SLC24A2: variants seen among roughly 807,000 people sequenced by gnomAD.
The protein encoded by SLC24A2 is sodium/potassium/calcium exchanger 2.
Under a neutral mutation model 62.0 loss-of-function variants are expected in SLC24A2, and 36 were observed. The observed-to-expected ratio is 0.58, with a 90% confidence interval of 0.44 to 0.77. SLC24A2 has a LOEUF of 0.77. SLC24A2 is among the 30% of genes least tolerant of loss of function. The pLI is 0.00. For synonymous variants in SLC24A2, 358 were observed against 294.0 expected (o/e 1.22, Z -2.23); for missense variants, 846 against 817.9 (o/e 1.03, Z -0.42).
chr9:19,697,271 T>C (rs955279328), intron 2 of SLC24A2, among the ~76,000 whole-genome samples: 1 of 152,138 alleles, frequency 6.6e-6, no homozygotes, highest in African/African-American at 2.4e-5. Context: ...CAACACACAC[T>C]GGGGCCTGCC....
chr9:19,730,750 T>G (rs1821310448), intron 2 of SLC24A2, among the ~76,000 whole-genome samples: 1 of 152,190 alleles, frequency 6.6e-6, no homozygotes, highest in South Asian at 2.1e-4. Flanking sequence ...ATTAAAAATT[T>G]AAACATGCTT....
chr9:20,130,769 A>T, the SLC24A2 span, among the ~76,000 whole-genome samples: 1 of 152,188 alleles, frequency 6.6e-6, no homozygotes, highest in Non-Finnish European at 1.5e-5. Context: ...GCAGGAGACC[A>T]GTTAGAAGAC....
At chr9:19,987,374 C>T in the SLC24A2 span, among the ~76,000 whole-genome samples, 12 of 152,152 alleles carry the variant, frequency 7.9e-5, no homozygotes, top group Non-Finnish European at 1.3e-4. Flanking sequence ...TCACTAAATT[C>T]CTACCTTCCT....
the SLC24A2 span, among the ~76,000 whole-genome samples, chr9:20,054,620 A>G: frequency 6.6e-6 from 1 of 152,122 alleles, no homozygotes; most frequent in Non-Finnish European, 1.5e-5. Flanking sequence ...AGTCCATTAT[A>G]TAATTCTTAT....
chr9:19,713,929 A>G (rs776256874), intron 2 of SLC24A2, among the ~76,000 whole-genome samples: 4 of 152,226 alleles, frequency 2.6e-5, no homozygotes, highest in Non-Finnish European at 4.4e-5. Context: ...TTTGGAGACT[A>G]AGGGAAGAAA....
the SLC24A2 span, among the ~76,000 whole-genome samples, chr9:20,077,944 A>G: frequency 6.6e-6 from 1 of 152,262 alleles, no homozygotes; most frequent in South Asian, 2.1e-4. Flanking sequence ...TTAGAACTAT[A>G]TTAGAACTAG....
At chr9:19,650,797 AC>A (rs779844847) in intron 2 of SLC24A2, among the ~76,000 whole-genome samples, 7 of 150,296 alleles carry the variant, frequency 4.7e-5, no homozygotes, top group Non-Finnish European at 8.8e-5. Context: ...AAATTAATTC[AC>A]AGGCATTGTA....
chr9:19,976,719 T>C, the SLC24A2 span, among the ~76,000 whole-genome samples: 1 of 152,186 alleles, frequency 6.6e-6, no homozygotes, highest in Non-Finnish European at 1.5e-5. Flanking sequence ...GTATAAGAAA[T>C]TTGAGTGTCC....
At chr9:19,941,590 T>TGTGTGA in the SLC24A2 span, among the ~76,000 whole-genome samples, 23,765 of 127,548 alleles carry the variant, frequency 0.19, 2,416 homozygotes, top group South Asian at 0.3. Flanking sequence ...TGTGTGTGTG[T>TGTGTGA]GAGAGAGAGA....
upstream of SLC24A2, among the ~76,000 whole-genome samples, chr9:19,791,730 T>C (rs1403258950): frequency 2.0e-5 from 3 of 152,212 alleles, no homozygotes; most frequent in Non-Finnish European, 4.4e-5. Context: ...AAAGAAAGGG[T>C]AGCTTCAGGA....
At chr9:20,198,680 TC>T in the SLC24A2 span, among the ~76,000 whole-genome samples, 6 of 151,900 alleles carry the variant, frequency 3.9e-5, no homozygotes, top group Non-Finnish European at 5.9e-5. Flanking sequence ...ACTCTCTCTC[TC>T]TCTCCACCCC....
chr9:20,228,941 C>G, the SLC24A2 span, among the ~76,000 whole-genome samples: 1 of 151,970 alleles, frequency 6.6e-6, no homozygotes, highest in Non-Finnish European at 1.5e-5. Context: ...TAAAGGCCAC[C>G]AAGAAGGGTC....
At chr9:20,152,226 A>C in the SLC24A2 span, among the ~76,000 whole-genome samples, 1 of 151,952 alleles carries the variant, frequency 6.6e-6, no homozygotes, top group Non-Finnish European at 1.5e-5. Context: ...ATTTATATTT[A>C]TAAGAAGGTC....
chr9:19,601,922 G>A (rs984063396), intron 4 of SLC24A2, among the ~76,000 whole-genome samples: 1 of 152,148 alleles, frequency 6.6e-6, no homozygotes, highest in Non-Finnish European at 1.5e-5. Flanking sequence ...ATATATGGTA[G>A]GTATTATTAT....
At chr9:20,234,095 A>C in the SLC24A2 span, among the ~76,000 whole-genome samples, 1 of 152,204 alleles carries the variant, frequency 6.6e-6, no homozygotes, top group Non-Finnish European at 1.5e-5. Flanking sequence ...CCAAGAGATC[A>C]GCTGTTAGTC....
intron 4 of SLC24A2, among the ~76,000 whole-genome samples, chr9:19,601,009 C>T (rs753804391): frequency 3.2e-4 from 48 of 152,134 alleles, no homozygotes; most frequent in Non-Finnish European, 6.2e-4. Context: ...ACTTGGAGAA[C>T]TTTTCTGTCT....
chr9:19,909,348 C>G, the SLC24A2 span, among the ~76,000 whole-genome samples: 3 of 150,278 alleles, frequency 2.0e-5, no homozygotes, highest in South Asian at 4.3e-4. Context: ...ACGGGGAGGG[C>G]GGAGGGATAG....
chr9:19,740,401 A>G (rs1461428868), intron 2 of SLC24A2, among the ~76,000 whole-genome samples: 1 of 152,354 alleles, frequency 6.6e-6, no homozygotes, highest in East Asian at 1.9e-4. Flanking sequence ...GAGCAATAAA[A>G]ATAAAACTAT....
chr9:19,552,243 G>T (rs1469194136), intron 7 of SLC24A2, among the ~76,000 whole-genome samples: 1 of 152,146 alleles, frequency 6.6e-6, no homozygotes, highest in African/African-American at 2.4e-5. Context: ...TCTTCCTTGT[G>T]GATATAGCAG....
Sources: gnomAD v4.1 joint callset for allele counts (sites outside exome capture counted in the v4.1 genomes callset) on GRCh38, gnomAD v4.1.1 for gene constraint, MANE v1.5 for transcripts, NCBI Gene and HGNC (gene_info 2026-07-23, HGNC 2026-07-21) for gene names.